Variants in ART3 observed in about 807,000 individuals in gnomAD.
ART3 encodes ecto-ADP-ribosyltransferase 3.
In ART3, 49 loss-of-function variants were observed where a neutral mutation model predicts 48.5. That is an observed-to-expected ratio of 1.01 (90% confidence interval 0.80 to 1.28). The LOEUF (loss-of-function observed/expected upper bound fraction) is 1.28, where lower values mean the gene tolerates loss of function less well. ART3 is among the 50% of genes most tolerant of loss of function. ART3 has a pLI of 0.00. For synonymous variants in ART3, 145 were observed against 157.2 expected, an observed-to-expected ratio of 0.92 and a Z score of 0.58; for missense variants, 438 against 454.3, an observed-to-expected ratio of 0.96 and a Z score of 0.33.
intron 1 of ART3, among the ~76,000 whole-genome samples, chr4:76,065,689 C>T (rs1719667478): frequency 6.6e-6 from 1 of 151,410 alleles, no homozygotes; most frequent in East Asian, 1.9e-4. Context: ...CTAAAATCTA[C>T]CAATAGGATT....
chr4:76,025,790 T>C (rs1733324337), intron 1 of ART3, among the ~76,000 whole-genome samples: 1 of 152,252 alleles, frequency 6.6e-6, no homozygotes, highest in Non-Finnish European at 1.5e-5. Flanking sequence ...TCAGTTTGTT[T>C]CTTGTTGATG....
Position 76,068,227 on chromosome 4 carries a change from C to A in ART3, c.-9-7654C>A, listed in dbSNP as rs28610008. On this transcript the variant is annotated intron_variant, in intron 1 of 9. Coordinates refer to the ART3 transcript ENST00000341029. ...AAGTGTACAGTTCTGTGACTTTTGACAAATGTATATCATCATGTAACATCT... is the reference window on the plus strand; with the variant it reads ...AAGTGTACAGTTCTGTGACTTTTGAAAAATGTATATCATCATGTAACATCT... Among the ~76,000 whole-genome samples the A allele has an allele frequency of 1.8e-3, 279 of 152,228 alleles. 3 individuals are homozygous for A. The highest frequency in any genetic ancestry group is 6.4e-3 in the African/African-American group (264 of 41,542).
upstream of ART3, among the ~76,000 whole-genome samples, chr4:76,074,480 T>A (rs1450903637): frequency 6.6e-6 from 1 of 152,154 alleles, no homozygotes; most frequent in East Asian, 1.9e-4. Flanking sequence ...AAGTCATTTC[T>A]CTCTGAGAGA....
intron 1 of ART3, among the ~76,000 whole-genome samples, chr4:76,045,890 T>A (rs528168434): frequency 6.6e-6 from 1 of 152,196 alleles, no homozygotes; most frequent in South Asian, 2.1e-4. Context: ...CAGTATAGGC[T>A]GTATTCATTC....
chr4:76,021,663 T>C (rs1406377228), intron 1 of ART3: 3 of 416,212 alleles, frequency 7.2e-6, no homozygotes, highest in African/African-American at 2.0e-5. Context: ...GGTCAGAACA[T>C]CCACTAAGAA....
rs969433042 is a variant in ART3, at chr4:76,105,811, G to A, written c.1003+1182G>A. The A allele has an allele frequency of 2.6e-5, 26 of 985,416 alleles. No homozygotes were observed. The African/African-American group carries it at 4.4e-4, about 17-fold the overall frequency. 61.0% of individuals were successfully genotyped at this position (985,416 alleles called of 1,614,324 possible). On this transcript the variant is annotated intron_variant, in intron 10 of 11. Transcript: ENST00000355810. Reference sequence around the variant, plus strand: ...ACTGGAACAGTTGGCTTCCAGCTGGGCCTGTCTATTCCAGAATGAGGCAGG... The same window carrying A: ...ACTGGAACAGTTGGCTTCCAGCTGGACCTGTCTATTCCAGAATGAGGCAGG...
intron 1 of ART3, among the ~76,000 whole-genome samples, chr4:76,017,700 T>G (rs1468664675): frequency 6.6e-6 from 1 of 152,182 alleles, no homozygotes; most frequent in Non-Finnish European, 1.5e-5. Flanking sequence ...GCCTTTCAGA[T>G]TTATTTAGGA....
At chr4:76,111,275 C>G (rs1230186205) in intron 11 of ART3, among the ~76,000 whole-genome samples, 1 of 152,124 alleles carries the variant, frequency 6.6e-6, no homozygotes, top group Non-Finnish European at 1.5e-5. Flanking sequence ...CCTTGAATAA[C>G]ACCATAGGAC....
chr4:76,076,602 T>C (rs1013191244), intron 2 of ART3, among the ~76,000 whole-genome samples: 5 of 152,228 alleles, frequency 3.3e-5, no homozygotes, highest in East Asian at 3.8e-4. Context: ...ACACTGTACA[T>C]AGAATTTTTT....
At chr4:76,011,356 C>T (rs148909151) in intron 1 of ART3, 4 of 152,858 alleles carry the variant, frequency 2.6e-5, no homozygotes, top group African/African-American at 4.8e-5. Context: ...TCCTCTCTGT[C>T]CCCTGAGCGG....
At chr4:76,030,450 A>T (rs1488849617) in intron 1 of ART3, among the ~76,000 whole-genome samples, 1 of 152,218 alleles carries the variant, frequency 6.6e-6, no homozygotes, top group Non-Finnish European at 1.5e-5. Context: ...ATACCACCTT[A>T]GTGTAGCCCT....
chr4:76,040,450 A>ACACGCG lies in ART3; in HGVS notation c.-10+29133_-10+29134insGCGCAC, dbSNP rs1553926445. Among the ~76,000 whole-genome samples the ACACGCG allele has an allele frequency of 5.3e-3, 781 of 146,216 alleles. 19 individuals are homozygous for ACACGCG. The highest frequency in any genetic ancestry group is 0.019 in the African/African-American group (745 of 39,046). Reference sequence around the variant, plus strand: ...ACATACACTGGATACACACACACACACACACACACACACACACACACACAC... The same window carrying ACACGCG: ...ACATACACTGGATACACACACACACACACGCGCACACACACACACACACACACACAC... On this transcript the variant is annotated intron_variant, in intron 1 of 9. Coordinates refer to the ART3 transcript ENST00000341029.
chr4:76,040,533 C>CCCACAA (rs767176481), intron 1 of ART3, among the ~76,000 whole-genome samples: 2 of 112,522 alleles, frequency 1.8e-5, no homozygotes, highest in Admixed American at 9.8e-5. Flanking sequence ...CCCCCGCCCC[C>CCCACAA]TCCATGTGTC....
intron 10 of ART3, chr4:76,107,445 C>T (rs1728691582): frequency 5.4e-6 from 1 of 186,528 alleles, no homozygotes; most frequent in South Asian, 1.5e-4. Flanking sequence ...CAATGCATGG[C>T]ACATAGTGAA....
chr4:76,015,629 G>C (rs777136170), intron 1 of ART3, among the ~76,000 whole-genome samples: 2 of 152,108 alleles, frequency 1.3e-5, no homozygotes, highest in Non-Finnish European at 2.9e-5. Flanking sequence ...ATGTATAAAG[G>C]TTTGATTTGC....
chr4:76,109,242 C>T (rs1468282532), intron 11 of ART3, among the ~76,000 whole-genome samples: 1 of 121,094 alleles, frequency 8.3e-6, no homozygotes, highest in Non-Finnish European at 1.8e-5. Context: ...GCTTTTTTAT[C>T]ACCTTTTTTT....
chr4:76,012,760 A>C (rs2149349490), intron 1 of ART3, among the ~76,000 whole-genome samples: 1 of 152,334 alleles, frequency 6.6e-6, no homozygotes, highest in African/African-American at 2.4e-5. Flanking sequence ...GTCAGCTTGT[A>C]GTCTGAGGAT....
intron 3 of ART3, among the ~76,000 whole-genome samples, chr4:76,090,610 G>A (rs936583541): frequency 2.0e-4 from 31 of 152,162 alleles, no homozygotes; most frequent in Non-Finnish European, 3.8e-4. Context: ...TGACAGCCAT[G>A]TAATCTCCAG....
chr4:76,112,643 A>T lies in ART3; in HGVS notation c.*124A>T. 1 of 1,157,878 alleles carries T rather than the reference A, an allele frequency of 8.6e-7. No homozygotes were observed. The highest frequency in any genetic ancestry group is 1.6e-5 in the African/African-American group (1 of 63,346). The allele number at this position is 1,157,878 out of a possible 1,614,324, so 71.7% of individuals were successfully genotyped here. On this transcript the variant is annotated 3_prime_UTR_variant, in exon 12 of 12. Transcript: ENST00000355810. ...AGTCACTGGATAAAATGAGAATTGT[A>T]TATTTGTTATTCATTTTGCAAATTC...
Sources: gnomAD v4.1 joint callset for allele counts (sites outside exome capture counted in the v4.1 genomes callset) on GRCh38, gnomAD v4.1.1 for gene constraint, MANE v1.5 for transcripts, NCBI Gene and HGNC (gene_info 2026-07-23, HGNC 2026-07-21) for gene names.